Variants in CNTNAP2 observed in about 807,000 individuals in gnomAD.
CNTNAP2 encodes the protein contactin-associated protein-like 2.
Under a neutral mutation model 155.2 loss-of-function variants are expected in CNTNAP2, and 98 were observed. The observed-to-expected ratio is 0.63, with a 90% CI of 0.54 to 0.75. The LOEUF is 0.75. Ranked by LOEUF, CNTNAP2 falls within the 30% of genes least tolerant of loss-of-function variation. CNTNAP2 has a pLI of 0.00. For synonymous variants in CNTNAP2, 651 were observed against 631.2 expected (o/e 1.03, Z -0.47); for missense variants, 1,727 against 1,688.1 (o/e 1.02, Z -0.40).
At chr7:146,668,538 G>A (rs117350295) in intron 1 of CNTNAP2, among the ~76,000 whole-genome samples, 6 of 151,224 alleles carry the variant, frequency 4.0e-5, no homozygotes, top group East Asian at 3.9e-4. Context: ...GAATTCCCTC[G>A]GCTTCAATTT....
intron 8 of CNTNAP2, among the ~76,000 whole-genome samples, chr7:147,287,818 C>T (rs1051523134): frequency 5.9e-5 from 9 of 152,060 alleles, no homozygotes; most frequent in Non-Finnish European, 1.0e-4. Context: ...CTCAAACTTT[C>T]GACAGCCAGT....
chr7:147,466,338 C>T (rs1798118788), intron 10 of CNTNAP2, among the ~76,000 whole-genome samples: 1 of 152,094 alleles, frequency 6.6e-6, no homozygotes, highest in Non-Finnish European at 1.5e-5. Context: ...TACAATATAT[C>T]AATTGTATAT....
intron 1 of CNTNAP2, among the ~76,000 whole-genome samples, chr7:146,327,855 A>C (rs1308656659): frequency 6.6e-6 from 1 of 152,250 alleles, no homozygotes; most frequent in African/African-American, 2.4e-5. Context: ...TTTCTAGGAC[A>C]TTAACATAAG....
intron 4 of CNTNAP2, among the ~76,000 whole-genome samples, chr7:147,067,699 T>A (rs997851993): frequency 3.9e-5 from 6 of 152,168 alleles, no homozygotes; most frequent in African/African-American, 1.2e-4. Context: ...AGCTTCAACT[T>A]CTTTATCCTT....
intron 1 of CNTNAP2, among the ~76,000 whole-genome samples, chr7:146,338,793 T>C (rs1801323644): frequency 1.3e-5 from 2 of 152,164 alleles, no homozygotes; most frequent in Non-Finnish European, 1.5e-5. Context: ...TAAGTTGCTA[T>C]CAGTTTAAAA....
At chr7:146,354,411 ATTTTTTTT>A (rs10641636) in intron 1 of CNTNAP2, among the ~76,000 whole-genome samples, 2 of 135,344 alleles carry the variant, frequency 1.5e-5, no homozygotes, top group Admixed American at 7.6e-5. Context: ...TCTTGTTAGT[ATTTTTTTT>A]TTTTTTTTTG....
chr7:147,976,110 A>T (rs2116862563), intron 14 of CNTNAP2, among the ~76,000 whole-genome samples: 1 of 152,304 alleles, frequency 6.6e-6, no homozygotes, highest in Non-Finnish European at 1.5e-5. Flanking sequence ...ATCTTTTTTA[A>T]AACCATTTAA....
chr7:146,423,577 T>G (rs981968215), intron 1 of CNTNAP2, among the ~76,000 whole-genome samples: 1 of 152,234 alleles, frequency 6.6e-6, no homozygotes, highest in African/African-American at 2.4e-5. Flanking sequence ...AGCAGCCACC[T>G]GCTTTTCTGC....
chr7:146,588,855 A>C (rs1434590358), intron 1 of CNTNAP2, among the ~76,000 whole-genome samples: 3 of 152,150 alleles, frequency 2.0e-5, no homozygotes, highest in Non-Finnish European at 4.4e-5. Context: ...CTTTTTATAG[A>C]AATTGATGTA....
chr7:147,944,924 G>T (rs1282028379), intron 14 of CNTNAP2, among the ~76,000 whole-genome samples: 2 of 152,152 alleles, frequency 1.3e-5, no homozygotes, highest in African/African-American at 4.8e-5. Flanking sequence ...GCTTGGCACT[G>T]CTTAGAACTA....
intron 8 of CNTNAP2, among the ~76,000 whole-genome samples, chr7:147,185,061 T>C (rs1356656233): frequency 6.6e-6 from 1 of 152,124 alleles, no homozygotes; most frequent in African/African-American, 2.4e-5. Context: ...GGAGGACATC[T>C]AAAATGGTTT....
intron 15 of CNTNAP2, among the ~76,000 whole-genome samples, chr7:148,043,932 A>C (rs1010217145): frequency 6.6e-6 from 1 of 152,188 alleles, no homozygotes; most frequent in African/African-American, 2.4e-5. Context: ...TCATTGCACA[A>C]AGGGATATAT....
At chr7:147,602,477 A>C (rs1220254922) in intron 12 of CNTNAP2, among the ~76,000 whole-genome samples, 1 of 136,950 alleles carries the variant, frequency 7.3e-6, no homozygotes, top group African/African-American at 2.8e-5. Flanking sequence ...TACATTCATC[A>C]GTTCATCCTA....
intron 8 of CNTNAP2, among the ~76,000 whole-genome samples, chr7:147,195,950 T>C (rs1802791031): frequency 6.6e-6 from 1 of 152,140 alleles, no homozygotes; most frequent in Non-Finnish European, 1.5e-5. Context: ...AATTTGACTG[T>C]AGTGAGAGAT....
intron 1 of CNTNAP2, among the ~76,000 whole-genome samples, chr7:146,614,166 T>C (rs1450780242): frequency 6.6e-6 from 1 of 152,194 alleles, no homozygotes; most frequent in Non-Finnish European, 1.5e-5. Flanking sequence ...AGTTAACCTT[T>C]TATTTTCTGC....
At chr7:146,179,271 T>A (rs10277217) in intron 1 of CNTNAP2, among the ~76,000 whole-genome samples, 46,176 of 151,966 alleles carry the variant, frequency 0.3, 8,191 homozygotes, top group African/African-American at 0.49. Context: ...TCGCCATGGA[T>A]GACTTAATAA....
chr7:147,622,240 A>G (rs957802551), intron 12 of CNTNAP2, among the ~76,000 whole-genome samples: 8 of 152,032 alleles, frequency 5.3e-5, no homozygotes, highest in Non-Finnish European at 8.8e-5. Context: ...TGGACAGGTA[A>G]TAAACAAAAA....
chr7:146,211,066 T>C (rs1427881081), intron 1 of CNTNAP2, among the ~76,000 whole-genome samples: 2 of 152,150 alleles, frequency 1.3e-5, no homozygotes, highest in African/African-American at 2.4e-5. Context: ...TTGACTTAGA[T>C]AGAGGCCTTG....
chr7:147,020,393 G>GA (rs1798798485), intron 3 of CNTNAP2, among the ~76,000 whole-genome samples: 3 of 152,232 alleles, frequency 2.0e-5, no homozygotes, highest in Admixed American at 2.0e-4. Context: ...GTCTAGTCTG[G>GA]AATGATAGAT....
Sources: allele counts gnomAD v4.1 joint callset (sites outside exome capture counted in the v4.1 genomes callset), GRCh38; gene constraint gnomAD v4.1.1; transcripts MANE v1.5; gene names NCBI Gene and HGNC (gene_info 2026-07-23, HGNC 2026-07-21).